CMSS1: variants seen among roughly 807,000 people sequenced by gnomAD.
CMSS1 encodes the protein cms1 ribosomal small subunit homolog, also known as protein CMSS1.
A neutral mutation model predicts 43.5 loss-of-function variants in CMSS1; 33 were observed. The observed-to-expected ratio is 0.76, with a 90% CI of 0.57 to 1.01. The LOEUF (loss-of-function observed/expected upper bound fraction) is 1.01. Among genes scored for constraint, CMSS1 ranks in the 50% least tolerant of loss-of-function variants. The probability of loss-of-function intolerance (pLI) is 0.00; values close to 1 mark genes in which losing one functional copy is unlikely to be tolerated. For synonymous variants in CMSS1, 115 were observed against 117.2 expected (o/e 0.98, Z 0.12); for missense variants, 313 against 326.4 (o/e 0.96, Z 0.32).
chr3:99,892,790 G>A (rs1706126467), intron 1 of CMSS1, among the ~76,000 whole-genome samples: 1 of 152,194 alleles, frequency 6.6e-6, no homozygotes, highest in Admixed American at 6.5e-5. Flanking sequence ...GAAAGAGAAT[G>A]ACATAACTAG....
chr3:100,060,870 A>G (rs1166139804), intron 1 of CMSS1, among the ~76,000 whole-genome samples: 1 of 152,180 alleles, frequency 6.6e-6, no homozygotes, highest in Non-Finnish European at 1.5e-5. Context: ...TCGAAAAAAT[A>G]AAAATAAAAA....
At chr3:100,127,975 CGAA>C (rs141631011) in intron 1 of CMSS1, among the ~76,000 whole-genome samples, 1 of 152,288 alleles carries the variant, frequency 6.6e-6, no homozygotes, top group African/African-American at 2.4e-5. Context: ...AGACAGCACA[CGAA>C]GGAGGACAAG....
At chr3:99,873,120 ATGT>A (rs1221494274) in intron 1 of CMSS1, among the ~76,000 whole-genome samples, 2 of 152,136 alleles carry the variant, frequency 1.3e-5, no homozygotes, top group Non-Finnish European at 2.9e-5. Context: ...TGGCTAGAAA[ATGT>A]TGTGGTGATG....
At chr3:100,057,565 T>C (rs1195368038) in intron 1 of CMSS1, among the ~76,000 whole-genome samples, 1 of 152,218 alleles carries the variant, frequency 6.6e-6, no homozygotes, top group African/African-American at 2.4e-5. Flanking sequence ...TCTGTAAAAG[T>C]CTGCTCCCCT....
chr3:99,921,958 A>G, intron 1 of CMSS1, among the ~76,000 whole-genome samples: 1 of 152,128 alleles, frequency 6.6e-6, no homozygotes, highest in East Asian at 1.9e-4. Context: ...CCAACATTCC[A>G]GTATAACTTC....
chr3:100,068,996 C>T (rs1397325662), intron 1 of CMSS1, among the ~76,000 whole-genome samples: 1 of 152,190 alleles, frequency 6.6e-6, no homozygotes, highest in Non-Finnish European at 1.5e-5. Context: ...TGCCGTTCTG[C>T]TCCACAAACC....
intron 1 of CMSS1, among the ~76,000 whole-genome samples, chr3:100,084,166 T>C (rs1368763967): frequency 6.6e-6 from 1 of 152,192 alleles, no homozygotes; most frequent in East Asian, 1.9e-4. Context: ...AGATTATGCA[T>C]TTGTGCCCCA....
intron 1 of CMSS1, among the ~76,000 whole-genome samples, chr3:100,042,402 C>T (rs1423904472): frequency 1.3e-5 from 2 of 152,150 alleles, no homozygotes; most frequent in Admixed American, 1.3e-4. Flanking sequence ...TCTGATGTTT[C>T]GTCAGCTAGC....
intron 1 of CMSS1, among the ~76,000 whole-genome samples, chr3:100,092,867 C>T (rs1219325842): frequency 6.6e-6 from 1 of 151,602 alleles, no homozygotes; most frequent in Non-Finnish European, 1.5e-5. Context: ...AAGACAAACT[C>T]ATTCCAGGAG....
intron 1 of CMSS1, among the ~76,000 whole-genome samples, chr3:100,138,024 C>T (rs1315678595): frequency 6.6e-6 from 1 of 152,192 alleles, no homozygotes; most frequent in Non-Finnish European, 1.5e-5. Context: ...ACAGTGACCT[C>T]AGAAACAACA....
At chr3:100,058,730 C>T (rs1234327477) in intron 1 of CMSS1, among the ~76,000 whole-genome samples, 1 of 152,242 alleles carries the variant, frequency 6.6e-6, no homozygotes, top group Non-Finnish European at 1.5e-5. Context: ...GACTGTCCCA[C>T]TCAGAGGCTT....
At chr3:100,047,872 G>C (rs545005481) in intron 1 of CMSS1, among the ~76,000 whole-genome samples, 2 of 152,122 alleles carry the variant, frequency 1.3e-5, no homozygotes, top group Non-Finnish European at 2.9e-5. Context: ...AAATGACAGG[G>C]TGGGCGAAAA....
chr3:99,849,068 C>T, intron 1 of CMSS1: 5 of 1,614,130 alleles, frequency 3.1e-6, no homozygotes, highest in Non-Finnish European at 3.4e-6. Context: ...AGATGGCCCT[C>T]CTTGGATTTC....
chr3:99,826,236 C>T (rs556101868), intron 1 of CMSS1, among the ~76,000 whole-genome samples: 3 of 152,236 alleles, frequency 2.0e-5, no homozygotes, highest in Non-Finnish European at 4.4e-5. Context: ...TTTTAAATGG[C>T]TAATATTGCT....
chr3:99,832,925 T>A (rs1942744371), intron 1 of CMSS1, among the ~76,000 whole-genome samples: 1 of 150,730 alleles, frequency 6.6e-6, no homozygotes, highest in African/African-American at 2.4e-5. Context: ...GTATGGAGCA[T>A]TAAAATGTGT....
intron 1 of CMSS1, among the ~76,000 whole-genome samples, chr3:99,833,990 A>G (rs1942793101): frequency 6.6e-6 from 1 of 152,262 alleles, no homozygotes; most frequent in Non-Finnish European, 1.5e-5. Flanking sequence ...CTGAAGAAAA[A>G]TATATTTGAA....
chr3:99,992,230 T>C (rs1709545306), intron 1 of CMSS1, among the ~76,000 whole-genome samples: 1 of 152,082 alleles, frequency 6.6e-6, no homozygotes, highest in Non-Finnish European at 1.5e-5. Flanking sequence ...TTTTTAGCTA[T>C]TTGAGAAACC....
chr3:100,137,514 A>C (rs1248034309), intron 1 of CMSS1, among the ~76,000 whole-genome samples: 2 of 152,108 alleles, frequency 1.3e-5, no homozygotes, highest in Admixed American at 1.3e-4. Flanking sequence ...TAATATACAT[A>C]CACCCCAATA....
intron 1 of CMSS1, among the ~76,000 whole-genome samples, chr3:99,914,082 G>T (rs1409146595): frequency 6.6e-6 from 1 of 152,174 alleles, no homozygotes; most frequent in African/African-American, 2.4e-5. Context: ...AGGGAATTTG[G>T]CAAAGTGGGC....
Sources: allele counts gnomAD v4.1 joint callset (sites outside exome capture counted in the v4.1 genomes callset), GRCh38; gene constraint gnomAD v4.1.1; transcripts MANE v1.5; gene names NCBI Gene and HGNC (gene_info 2026-07-23, HGNC 2026-07-21).